ARHGAP22: variants seen among roughly 807,000 people sequenced by gnomAD.
ARHGAP22 encodes rho GTPase-activating protein 22.
ARHGAP22 carries 48 observed loss-of-function variants against 59.1 expected under a neutral mutation model. That is an observed-to-expected ratio of 0.81 (90% confidence interval 0.64 to 1.03). The LOEUF is 1.03. ARHGAP22 is among the 50% of genes least tolerant of loss of function. ARHGAP22 has a pLI of 0.00. For missense variants in ARHGAP22, 1,015 were observed against 958.7 expected (o/e 1.06, Z -0.78); for synonymous variants, 445 against 416.4 (o/e 1.07, Z -0.84).
At chr10:48,512,718 C>G (rs563792222) in intron 3 of ARHGAP22, among the ~76,000 whole-genome samples, 20 of 152,268 alleles carry the variant, frequency 1.3e-4, no homozygotes, top group African/African-American at 4.8e-4. Context: ...AAAGGCTGCA[C>G]AAACAGTAGA....
chr10:48,650,025 A>G (rs1478229041), intron 1 of ARHGAP22, among the ~76,000 whole-genome samples: 1 of 150,890 alleles, frequency 6.6e-6, no homozygotes, highest in Non-Finnish European at 1.5e-5. Flanking sequence ...AGAGAGAGAG[A>G]GGGAGAGAGA....
At chr10:48,575,385 G>A (rs2058646684) in intron 2 of ARHGAP22, 1 of 152,164 alleles carries the variant, frequency 6.6e-6, no homozygotes, top group Non-Finnish European at 1.5e-5. Flanking sequence ...TAAACAATGG[G>A]GTGGGAAATG....
At chr10:48,467,717 T>A (rs557217256) in intron 4 of ARHGAP22, among the ~76,000 whole-genome samples, 1 of 152,316 alleles carries the variant, frequency 6.6e-6, no homozygotes, top group South Asian at 2.1e-4. Context: ...TATTGGAAAT[T>A]TCTAGTAAGG....
intron 3 of ARHGAP22, among the ~76,000 whole-genome samples, chr10:48,508,958 G>C (rs1011161681): frequency 2.0e-5 from 3 of 152,280 alleles, no homozygotes; most frequent in African/African-American, 7.2e-5. Context: ...GATGCAGTTG[G>C]TGAGGATACC....
chr10:48,543,224 C>A (rs566242130), intron 3 of ARHGAP22, among the ~76,000 whole-genome samples: 1 of 152,190 alleles, frequency 6.6e-6, no homozygotes, highest in Non-Finnish European at 1.5e-5. Context: ...CATTGAGCCC[C>A]GCAGAGTCCT....
chr10:48,482,423 T>C (rs1000863029), intron 3 of ARHGAP22, among the ~76,000 whole-genome samples: 1 of 152,254 alleles, frequency 6.6e-6, no homozygotes, highest in Non-Finnish European at 1.5e-5. Flanking sequence ...TACTTCTTCC[T>C]TTCCAGCTGG....
chr10:48,448,877 C>T (rs1047066053), intron 9 of ARHGAP22, among the ~76,000 whole-genome samples: 5 of 152,196 alleles, frequency 3.3e-5, no homozygotes, highest in African/African-American at 9.7e-5. Context: ...GTTTCCCGAG[C>T]GCTCTCATCC....
chr10:48,604,205 T>A (rs2060545066), intron 1 of ARHGAP22, among the ~76,000 whole-genome samples: 1 of 152,120 alleles, frequency 6.6e-6, no homozygotes, highest in Non-Finnish European at 1.5e-5. Flanking sequence ...CTGGTCTGAG[T>A]CTGCTCCCGC....
At chr10:48,471,253 G>A (rs2048201459) in intron 4 of ARHGAP22, among the ~76,000 whole-genome samples, 1 of 152,184 alleles carries the variant, frequency 6.6e-6, no homozygotes, top group Non-Finnish European at 1.5e-5. Context: ...CAGGCCTACT[G>A]CCTGTCTCCG....
At chr10:48,599,396 C>T (rs911777845) in intron 1 of ARHGAP22, among the ~76,000 whole-genome samples, 4 of 152,330 alleles carry the variant, frequency 2.6e-5, no homozygotes, top group African/African-American at 9.6e-5. Context: ...GTCCCATGAG[C>T]TCAACAGTCA....
At chr10:48,438,684 TTACTG>T in the ARHGAP22 span, 1 of 152,250 alleles carries the variant, frequency 6.6e-6, no homozygotes, top group East Asian at 1.9e-4. Context: ...TGTTAGATCT[TTACTG>T]AGTGAATTAT....
At chr10:48,519,716 C>A (rs1218833321) in intron 3 of ARHGAP22, among the ~76,000 whole-genome samples, 1 of 152,238 alleles carries the variant, frequency 6.6e-6, no homozygotes, top group Admixed American at 6.5e-5. Flanking sequence ...GGCCACCTGC[C>A]CAGGCTCGAC....
At chr10:48,468,283 T>C (rs1056781944) in intron 4 of ARHGAP22, among the ~76,000 whole-genome samples, 1 of 152,190 alleles carries the variant, frequency 6.6e-6, no homozygotes, top group African/African-American at 2.4e-5. Context: ...TCTTACACAG[T>C]ACAAGAGACT....
intron 3 of ARHGAP22, among the ~76,000 whole-genome samples, chr10:48,530,948 T>C (rs1481485758): frequency 6.6e-6 from 1 of 152,194 alleles, no homozygotes; most frequent in Non-Finnish European, 1.5e-5. Flanking sequence ...AGTAAGTCAT[T>C]ATATGAAAAA....
rs185667949 is a variant in ARHGAP22, at chr10:48,475,311, C to T, written c.451+4325G>A. ...CTCACCCCTCTGCTGTCCCTCCACT[C>T]GCTCTGTGCTGTCTCATTCAGCCTT... On this transcript the variant is annotated intron_variant, in intron 4 of 9. Transcript: ENST00000249601. 2.4e-3 allele frequency among the ~76,000 whole-genome samples: 372 copies of T among 152,270 alleles called. 2 individuals are homozygous for T. The highest frequency in any genetic ancestry group is 8.4e-3 in the African/African-American group (348 of 41,552).
intron 5 of ARHGAP22, among the ~76,000 whole-genome samples, chr10:48,456,808 C>T (rs1203029136): frequency 1.3e-5 from 2 of 151,950 alleles, no homozygotes; most frequent in African/African-American, 2.4e-5. Flanking sequence ...TTCCTTTCCT[C>T]GTCCCTCCCT....
chr10:48,553,357 C>T (rs1034724974), intron 3 of ARHGAP22, among the ~76,000 whole-genome samples: 6 of 152,228 alleles, frequency 3.9e-5, no homozygotes, highest in African/African-American at 1.2e-4. Context: ...TGCTGCTGTG[C>T]TTGAGACAAA....
At chr10:48,564,521 C>T (rs1015920) in intron 2 of ARHGAP22, among the ~76,000 whole-genome samples, 1,609 of 152,286 alleles carry the variant, frequency 0.011, 34 homozygotes, top group African/African-American at 0.036. Flanking sequence ...TCATGTTTTG[C>T]CCTATAATGT....
upstream of ARHGAP22, among the ~76,000 whole-genome samples, chr10:48,654,770 ATTACTTTCTTTCTTTC>A (rs2062693466): frequency 3.6e-5 from 5 of 138,418 alleles, no homozygotes; most frequent in South Asian, 4.8e-4. Context: ...GGACATGCTG[ATTACTTTCTTTCTTTC>A]TTTCTTTCTT....
Sources: allele counts gnomAD v4.1 joint callset (sites outside exome capture counted in the v4.1 genomes callset), GRCh38; gene constraint gnomAD v4.1.1; transcripts MANE v1.5; gene names NCBI Gene and HGNC (gene_info 2026-07-23, HGNC 2026-07-21).